The following NRG3 variants were observed in gnomAD, a reference collection of about 807,000 sequenced individuals.
NRG3 encodes neuregulin 3.
A neutral mutation model predicts 66.9 loss-of-function variants in NRG3; 31 were observed. The observed-to-expected ratio is 0.46, with a 90% CI of 0.35 to 0.63. The LOEUF (loss-of-function observed/expected upper bound fraction) is 0.63, where lower values mean the gene tolerates loss of function less well. NRG3 is among the 20% of genes least tolerant of loss of function. The pLI, the probability that NRG3 is intolerant of heterozygous loss-of-function variation, is 0.00. For synonymous variants in NRG3, 393 were observed against 359.4 expected (o/e 1.09, Z -1.06); for missense variants, 910 against 878.9 (o/e 1.04, Z -0.45).
intron 1 of NRG3, among the ~76,000 whole-genome samples, chr10:82,337,962 G>A (rs1388722041): frequency 6.6e-6 from 1 of 152,102 alleles, no homozygotes; most frequent in Non-Finnish European, 1.5e-5. Flanking sequence ...GTTGGCTATG[G>A]TTAAGCCAAG....
In NRG3 at chr10:82,349,293, C is replaced by G. The variant is rs558568017; in HGVS notation, c.824-9446C>G. Among the ~76,000 whole-genome samples the G allele has an allele frequency of 8.7e-3, 1,328 of 152,140 alleles. 19 individuals are homozygous for G. The highest frequency in any genetic ancestry group is 0.03 in the African/African-American group (1,253 of 41,512). On this transcript the variant is annotated intron_variant, in intron 1 of 8. Transcript: ENST00000372141. ...AGTTTTCCTTCTAACAGACGGGACC[C>G]TCAGCTGCAGGTCTGTTGGAATACC... is the stretch of plus-strand genomic sequence containing the variant.
chr10:82,979,388 T>C (rs1463502871), intron 8 of NRG3, among the ~76,000 whole-genome samples: 4 of 151,866 alleles, frequency 2.6e-5, no homozygotes, highest in Admixed American at 2.6e-4. Context: ...TATTAGATCA[T>C]TTGCTAATAC....
intron 4 of NRG3, among the ~76,000 whole-genome samples, chr10:82,896,075 G>T (rs1323172553): frequency 6.6e-6 from 1 of 152,130 alleles, no homozygotes; most frequent in African/African-American, 2.4e-5. Flanking sequence ...GCGTTTGAGT[G>T]GTGTTTAAGA....
At chr10:82,743,822 G>A (rs1297880948) in intron 3 of NRG3, among the ~76,000 whole-genome samples, 1 of 152,156 alleles carries the variant, frequency 6.6e-6, no homozygotes, top group Non-Finnish European at 1.5e-5. Context: ...TTAACAGAAA[G>A]TTTTCCCCCA....
chr10:82,690,235 A>T (rs2054818123), intron 2 of NRG3, among the ~76,000 whole-genome samples: 1 of 151,834 alleles, frequency 6.6e-6, no homozygotes, highest in African/African-American at 2.4e-5. Context: ...GAGAAAATTT[A>T]AATTTCAATA....
rs1853471233 is a variant in NRG3, at chr10:82,986,912, A to G, written c.*1307A>G. 6.6e-6 allele frequency: 1 copy of G among 152,216 alleles called. No individual in the cohort carries two copies. The highest frequency in any genetic ancestry group is 1.5e-5 in the Non-Finnish European group (1 of 68,036). 9.4% of individuals were successfully genotyped at this position (152,216 alleles called of 1,614,324 possible). A position where few individuals can be genotyped will look rare whatever the true frequency, so the allele number is the denominator to read the frequency against. The stretch of plus-strand genomic sequence containing the variant: ...TATGGGAAGAATAAATTGTTGAAAT[A>G]AAAATACCCAGACTATTCAGTTCAC... On this transcript the variant is annotated 3_prime_UTR_variant, in exon 9 of 9. Coordinates refer to ENST00000372141, the MANE Select transcript of NRG3 (RefSeq NM_001010848.4).
chr10:82,272,428 A>G (rs904309296), intron 1 of NRG3, among the ~76,000 whole-genome samples: 1 of 152,040 alleles, frequency 6.6e-6, no homozygotes, highest in Non-Finnish European at 1.5e-5. Flanking sequence ...GTGCAAGAGA[A>G]GCCAGTGAAA....
intron 1 of NRG3, among the ~76,000 whole-genome samples, chr10:82,252,956 A>G (rs561283346): frequency 2.6e-5 from 4 of 152,142 alleles, no homozygotes; most frequent in Non-Finnish European, 5.9e-5. Flanking sequence ...TCGCTACTGC[A>G]ACTACAGTCA....
intron 3 of NRG3, among the ~76,000 whole-genome samples, chr10:82,783,317 C>T (rs534955777): frequency 3.2e-4 from 48 of 151,032 alleles, no homozygotes; most frequent in African/African-American, 1.0e-3. Flanking sequence ...TGCCCTCTCT[C>T]ACCACTCCTA....
intron 1 of NRG3, among the ~76,000 whole-genome samples, chr10:82,068,853 T>G (rs754780726): frequency 3.3e-5 from 5 of 152,194 alleles, no homozygotes; most frequent in Non-Finnish European, 7.3e-5. Flanking sequence ...TAATCGTATT[T>G]GTGTACTTAA....
At chr10:82,592,482 T>A (rs2047038409) in intron 2 of NRG3, among the ~76,000 whole-genome samples, 1 of 152,188 alleles carries the variant, frequency 6.6e-6, no homozygotes, top group African/African-American at 2.4e-5. Flanking sequence ...GCCTTGTGCA[T>A]AAGAAGAGGA....
intron 1 of NRG3, among the ~76,000 whole-genome samples, chr10:82,085,097 G>C (rs1231734252): frequency 1.3e-5 from 2 of 152,134 alleles, no homozygotes; most frequent in Admixed American, 6.5e-5. Flanking sequence ...TTACAAAGGG[G>C]CCTCTAGTGG....
At chr10:82,055,492 A>T (rs1003883459) in intron 1 of NRG3, among the ~76,000 whole-genome samples, 1 of 149,940 alleles carries the variant, frequency 6.7e-6, no homozygotes, top group African/African-American at 2.5e-5. Context: ...AAAAAAAAAA[A>T]GAACAACAAC....
chr10:82,150,527 A>G (rs2207645), intron 1 of NRG3, among the ~76,000 whole-genome samples: 1 of 97,594 alleles, frequency 1.0e-5, no homozygotes, highest in East Asian at 3.3e-4. Flanking sequence ...AAAAGAGCAC[A>G]CACAAAAAAA....
intron 3 of NRG3, among the ~76,000 whole-genome samples, chr10:82,799,558 C>G (rs994792388): frequency 6.7e-6 from 1 of 149,490 alleles, no homozygotes; most frequent in Non-Finnish European, 1.5e-5. Context: ...TTCAGTCTAA[C>G]GTAAAGGAAA....
Position 82,019,422 on chromosome 10 carries a change from G to T in NRG3, c.823+143259G>T, listed in dbSNP as rs187803134. On this transcript the variant is annotated intron_variant, in intron 1 of 8. Coordinates refer to ENST00000372141, the MANE Select transcript of NRG3 (RefSeq NM_001010848.4). Reference sequence around the variant, plus strand: ...GTTTTGTTTGTTGTGTCTCTGCCAGGCTTTGGTATCAGGATGATGCTGGCC... The same window carrying T: ...GTTTTGTTTGTTGTGTCTCTGCCAGTCTTTGGTATCAGGATGATGCTGGCC... Among the ~76,000 whole-genome samples, 550 of 152,188 alleles carry T rather than the reference G, an allele frequency of 3.6e-3. 4 individuals are homozygous for T. Among genetic ancestry groups the T allele is most frequent in the African/African-American group, 0.013 (528 of 41,482 alleles).
At chr10:82,656,743 G>C (rs963948138) in intron 2 of NRG3, among the ~76,000 whole-genome samples, 2 of 152,126 alleles carry the variant, frequency 1.3e-5, no homozygotes, top group African/African-American at 4.8e-5. Flanking sequence ...AGTCATGGAG[G>C]AGAAGGCGGA....
chr10:82,842,580 G>T (rs1047392227), intron 3 of NRG3, among the ~76,000 whole-genome samples: 18 of 152,064 alleles, frequency 1.2e-4, no homozygotes, highest in African/African-American at 4.3e-4. Flanking sequence ...GCTGTGTAGG[G>T]CTTTTCTGCT....
At chr10:82,025,008 T>A (rs1214171589) in intron 1 of NRG3, among the ~76,000 whole-genome samples, 2 of 152,070 alleles carry the variant, frequency 1.3e-5, no homozygotes, top group Non-Finnish European at 2.9e-5. Flanking sequence ...CAGTTGAACA[T>A]GTTGTGATTT....
Sources: gnomAD v4.1 joint callset for allele counts (sites outside exome capture counted in the v4.1 genomes callset) on GRCh38, gnomAD v4.1.1 for gene constraint, MANE v1.5 for transcripts, NCBI Gene and HGNC (gene_info 2026-07-23, HGNC 2026-07-21) for gene names.